The following SHOC1 variants were observed in gnomAD, a reference collection of about 807,000 sequenced individuals.
SHOC1 encodes the protein shortage in chiasmata 1.
A neutral mutation model predicts 179.2 loss-of-function variants in SHOC1; 136 were observed. The observed-to-expected ratio is 0.76, with a 90% confidence interval of 0.66 to 0.87. SHOC1 has a LOEUF of 0.87. Among genes scored for constraint, SHOC1 ranks in the 40% least tolerant of loss-of-function variants. The pLI, the probability that SHOC1 is intolerant of heterozygous loss-of-function variation, is 0.00. For synonymous variants in SHOC1, 489 were observed against 586.6 expected (o/e 0.83, Z 2.41); for missense variants, 1,538 against 1,700.8 (o/e 0.90, Z 1.68).
Position 111,773,217 on chromosome 9 carries a change from C to T in SHOC1, c.442+2574G>A, listed in dbSNP as rs560830123. On this transcript the variant is annotated intron_variant, in intron 5 of 27. Coordinates refer to ENST00000682961, the MANE Select transcript of SHOC1 (RefSeq NM_001378211.1). ...TTGCTTCTGTGCCACCATTTTAAAA[C>T]GATAAGTCAGATTACTGCTTTTTAT... 8.1e-4 allele frequency among the ~76,000 whole-genome samples: 124 copies of T among 152,262 alleles called. 1 individual carries two copies. Among genetic ancestry groups the T allele is most frequent in the African/African-American group, 2.7e-3 (114 of 41,554 alleles).
At chr9:111,784,503 C>T (rs1836190404) in intron 3 of SHOC1, among the ~76,000 whole-genome samples, 1 of 152,320 alleles carries the variant, frequency 6.6e-6, no homozygotes, top group African/African-American at 2.4e-5. Context: ...TGATAGATTT[C>T]TCTGTCTCTC....
chr9:111,694,748 A>T (rs1210666711), intron 24 of SHOC1, among the ~76,000 whole-genome samples: 15 of 152,118 alleles, frequency 9.9e-5, no homozygotes, highest in Admixed American at 9.8e-4. Flanking sequence ...TTAAAATAAG[A>T]ATTTTAAAAA....
At chr9:111,724,551 G>A (rs1833214521) in intron 13 of SHOC1, among the ~76,000 whole-genome samples, 1 of 151,586 alleles carries the variant, frequency 6.6e-6, no homozygotes, top group Non-Finnish European at 1.5e-5. Flanking sequence ...GTAGAGATAG[G>A]GTCTCCCTGT....
intron 2 of SHOC1, among the ~76,000 whole-genome samples, chr9:111,787,299 G>A (rs1177124174): frequency 9.2e-5 from 14 of 152,146 alleles, no homozygotes; most frequent in Non-Finnish European, 4.4e-5. Context: ...TCCTCTGATA[G>A]ATCTAGGCAA....
Position 111,713,141 on chromosome 9 carries a change from C to T in SHOC1, c.2447G>A (p.Gly816Asp). The T allele has an allele frequency of 6.4e-7, 1 of 1,571,884 alleles. No homozygotes were observed. Among genetic ancestry groups the T allele is most frequent in the Non-Finnish European group, 8.7e-7 (1 of 1,146,040 alleles). ...AATTTTAATGAGAAAATGTTTTTCA[C>T]CGTCTGAGTCCATTCTTATTATAAT... ...VLIIIRMDSDGEKHFLIKILN... is the reference protein window; with the variant it reads ...VLIIIRMDSDDEKHFLIKILN... The change falls in exon 18 of 28, where the codon GGT becomes GAT. Residue 816 changes from glycine to aspartate, a missense_variant. Coordinates refer to ENST00000682961, the MANE Select transcript of SHOC1 (RefSeq NM_001378211.1).
At position 111,794,170 on chromosome 9, in the gene SHOC1, G is replaced by C. The variant is rs550791486; in HGVS notation, c.-37+730C>G. 2.0e-5 allele frequency among the ~76,000 whole-genome samples: 3 copies of C among 150,690 alleles called. No homozygotes were observed. The South Asian group carries it at 6.4e-4, about 32-fold the overall frequency. On this transcript the variant is annotated intron_variant, in intron 1 of 27. Coordinates refer to ENST00000682961, the MANE Select transcript of SHOC1 (RefSeq NM_001378211.1). ...TGCCAGGCCCCAAGATTATTTAAAA[G>C]CACTCACAGGTGAGTGTGAATCTTC...
intron 20 of SHOC1, among the ~76,000 whole-genome samples, chr9:111,705,934 C>A (rs1360993083): frequency 6.6e-6 from 1 of 151,974 alleles, no homozygotes; most frequent in Non-Finnish European, 1.5e-5. Context: ...ATTATGGTGA[C>A]CGTATTGTTA....
chr9:111,723,737 A>C, intron 14 of SHOC1, 55 bp downstream of exon 14: 2 of 1,559,804 alleles, frequency 1.3e-6, no homozygotes, highest in Non-Finnish European at 1.7e-6. Context: ...GCTATCTAGG[A>C]AAGGACTTTC....
intron 12 of SHOC1, among the ~76,000 whole-genome samples, chr9:111,733,643 G>A (rs577679773): frequency 4.6e-5 from 7 of 152,288 alleles, no homozygotes; most frequent in South Asian, 2.1e-4. Flanking sequence ...CAAGGCGGGC[G>A]GATCACCTGA....
At chr9:111,693,305 CA>C (rs894477947) in intron 26 of SHOC1, among the ~76,000 whole-genome samples, 28 of 130,410 alleles carry the variant, frequency 2.1e-4, no homozygotes, top group African/African-American at 7.5e-4. Context: ...GACTCCATCT[CA>C]AAAAAAAAGA....
At chr9:111,759,226 TG>T in intron 5 of SHOC1, 1 of 1,613,842 alleles carries the variant, frequency 6.2e-7, no homozygotes, top group Non-Finnish European at 8.5e-7. Context: ...CTGCTGACCT[TG>T]GTCTTCTCTG....
intron 27 of SHOC1, among the ~76,000 whole-genome samples, chr9:111,687,207 C>A (rs1241321550): frequency 1.3e-5 from 2 of 152,106 alleles, no homozygotes; most frequent in Non-Finnish European, 2.9e-5. Context: ...CTCGGCCTCC[C>A]AAAGTGCTGG....
chr9:111,749,808 GACAAGGAC>G (rs1564146480), intron 8 of SHOC1, among the ~76,000 whole-genome samples: 12 of 152,098 alleles, frequency 7.9e-5, no homozygotes, highest in African/African-American at 2.7e-4. Flanking sequence ...GTTTGCTGAG[GACAAGGAC>G]TTCCAACCCC....
At chr9:111,709,443 C>A (rs1832430345) in intron 18 of SHOC1, among the ~76,000 whole-genome samples, 1 of 152,168 alleles carries the variant, frequency 6.6e-6, no homozygotes, top group Non-Finnish European at 1.5e-5. Flanking sequence ...AGTACTAGAT[C>A]TTACAAACGC....
chr9:111,769,986 GTTTTTTTTTT>G (rs769266659), intron 5 of SHOC1, among the ~76,000 whole-genome samples: 4 of 77,662 alleles, frequency 5.2e-5, no homozygotes, highest in Non-Finnish European at 9.4e-5. Context: ...TTTTTTTTTT[GTTTTTTTTTT>G]TTTTTTTTTT....
At chr9:111,718,879 G>A (rs12338227) in intron 15 of SHOC1, among the ~76,000 whole-genome samples, 29,406 of 152,038 alleles carry the variant, frequency 0.19, 2,997 homozygotes, top group Non-Finnish European at 0.22. Context: ...GGATTTTTCT[G>A]CATATAAAAG....
intron 8 of SHOC1, among the ~76,000 whole-genome samples, chr9:111,754,928 G>T (rs1834787775): frequency 6.6e-6 from 1 of 152,168 alleles, no homozygotes; most frequent in South Asian, 2.1e-4. Context: ...CTTTGAGCAT[G>T]GGAAATAGGA....
chr9:111,785,823 G>T, intron 3 of SHOC1, 89 bp downstream of exon 3: 1 of 1,126,000 alleles, frequency 8.9e-7, no homozygotes, highest in Non-Finnish European at 1.2e-6. Flanking sequence ...TTTTTAATTA[G>T]TAAAACATTG....
Position 111,697,190 on chromosome 9 carries a change from CT to C in SHOC1, c.3183+2763del, listed in dbSNP as rs543211755. Among the ~76,000 whole-genome samples, 651 of 141,870 alleles carry C rather than the reference CT, an allele frequency of 4.6e-3. 1 individual carries two copies. The highest frequency in any genetic ancestry group is 9.2e-3 in the African/African-American group (356 of 38,898). The allele number at this position is 141,870 out of a possible 152,430, so 93.1% of individuals were successfully genotyped here. On this transcript the variant is annotated intron_variant, in intron 24 of 27. Transcript: ENST00000682961. ...GATTGGGGCAGGTTTCTTTTCTCTC[CT>C]TTTTTTTTTTTTAATTATACTTTAA...
Sources: gnomAD v4.1 joint callset for allele counts (sites outside exome capture counted in the v4.1 genomes callset) on GRCh38, gnomAD v4.1.1 for gene constraint, MANE v1.5 for transcripts, NCBI Gene and HGNC (gene_info 2026-07-23, HGNC 2026-07-21) for gene names.